XPO5: variants seen among roughly 807,000 people sequenced by gnomAD.
XPO5 encodes exportin-5.
In XPO5, 46 loss-of-function variants were observed where a neutral mutation model predicts 160.6. That is an observed-to-expected ratio of 0.29 (90% confidence interval 0.23 to 0.37). The LOEUF (loss-of-function observed/expected upper bound fraction) is 0.37. XPO5 is among the 10% of genes least tolerant of loss of function. The pLI, the probability that XPO5 is intolerant of heterozygous loss-of-function variation, is 1.00. For synonymous variants in XPO5, 537 were observed against 519.3 expected (o/e 1.03, Z -0.46); for missense variants, 1,090 against 1,463.9 (o/e 0.74, Z 4.17).
intron 10 of XPO5, 58 bp downstream of exon 10, chr6:43,560,866 G>A: frequency 7.5e-7 from 1 of 1,339,216 alleles, no homozygotes; most frequent in South Asian, 1.2e-5. Context: ...TCAGGACACA[G>A]TGCTTGACAT....
At chr6:43,539,051 C>T in intron 20 of XPO5, 2 of 1,541,624 alleles carry the variant, frequency 1.3e-6, no homozygotes, top group Admixed American at 1.7e-5. Context: ...GTCATCGATA[C>T]CAGCCATCAT....
intron 8 of XPO5, among the ~76,000 whole-genome samples, chr6:43,563,272 G>A (rs540652158): frequency 6.6e-6 from 1 of 152,088 alleles, no homozygotes; most frequent in Non-Finnish European, 1.5e-5. Context: ...ACTATAAAGC[G>A]CATGCCACCA....
In XPO5 at chr6:43,524,935, T is replaced by TA; in HGVS notation, c.3207dup (p.Thr1070TyrfsTer51). On this transcript the variant is annotated frameshift_variant, in exon 30 of 32. Coordinates refer to ENST00000265351, the MANE Select transcript of XPO5 (RefSeq NM_020750.3). LOFTEE classifies it high-confidence loss of function. ...TTCAGCACACTGGTGAAAAGCCACG[T>TA]AACTGCATCTGCGAGCAGTGTCCCT... The TA allele has an allele frequency of 6.2e-7, 1 of 1,613,904 alleles. No individual in the cohort carries two copies. Among genetic ancestry groups the TA allele is most frequent in the African/African-American group, 1.3e-5 (1 of 75,064 alleles).
At chr6:43,541,144 A>C (rs889072039) in intron 20 of XPO5, among the ~76,000 whole-genome samples, 7 of 152,124 alleles carry the variant, frequency 4.6e-5, no homozygotes, top group Non-Finnish European at 1.0e-4. Flanking sequence ...GGGATTGTTA[A>C]TGGGTACAAA....
intron 7 of XPO5, 143 bp downstream of exon 7, chr6:43,567,026 A>G (rs1360490216): frequency 2.6e-6 from 2 of 778,324 alleles, no homozygotes; most frequent in Non-Finnish European, 4.0e-6. Context: ...ACTCCTGTCC[A>G]AGGGGGTTGG....
Position 43,567,366 on chromosome 6 carries a change from GA to G in XPO5, c.649-13del. 6.3e-7 allele frequency: 1 copy of G among 1,594,038 alleles called. No individual in the cohort carries two copies. The highest frequency in any genetic ancestry group is 8.5e-7 in the Non-Finnish European group (1 of 1,171,112). ...CAGTTTGCTTGCGCCTACCAGAAAA[GA>G]AGTAACTTTGGACCATGAAGTCCTC... On this transcript the variant is annotated splice_polypyrimidine_tract_variant and intron_variant, in intron 6 of 31. Coordinates refer to ENST00000265351, the MANE Select transcript of XPO5 (RefSeq NM_020750.3).
At chr6:43,575,614 G>A in intron 1 of XPO5, 146 bp downstream of exon 1, 1 of 668,380 alleles carries the variant, frequency 1.5e-6, no homozygotes, top group South Asian at 1.9e-5. Flanking sequence ...GGCGCGGAGG[G>A]CCGCGAGGGG....
chr6:43,534,143 T>A (rs1794169580), intron 20 of XPO5, 136 bp from the exon 21 acceptor site: 1 of 550,928 alleles, frequency 1.8e-6, no homozygotes, highest in Non-Finnish European at 3.2e-6. Flanking sequence ...GAAAAGAAGG[T>A]ATAAATATCT....
Position 43,533,893 on chromosome 6 carries a change from G to T in XPO5, c.2443+14C>A. The T allele has an allele frequency of 1.1e-5, 17 of 1,576,868 alleles. No homozygotes were observed. Among genetic ancestry groups the T allele is most frequent in the Non-Finnish European group, 1.5e-5 (17 of 1,154,096 alleles). ...TAAGATAAACCTTAGGAGAAAAAAGGTTACATTTCTTACCTAATATAGCAG... is the reference window on the plus strand; with the variant it reads ...TAAGATAAACCTTAGGAGAAAAAAGTTTACATTTCTTACCTAATATAGCAG... On this transcript the variant is annotated intron_variant, in intron 21 of 31. Coordinates refer to ENST00000265351, the MANE Select transcript of XPO5 (RefSeq NM_020750.3).
intron 20 of XPO5, among the ~76,000 whole-genome samples, chr6:43,540,760 G>A (rs997367296): frequency 7.9e-5 from 12 of 152,222 alleles, no homozygotes; most frequent in African/African-American, 2.9e-4. Flanking sequence ...TTACAGGCAT[G>A]AGCCAACATG....
rs1160662301 is a variant in XPO5 at position 43,538,139 on chromosome 6, CTTTTTTTTTTTTTTTTTT to C, written c.2343-4150_2343-4133del. On this transcript the variant is annotated intron_variant, in intron 20 of 31. Transcript: ENST00000265351. ...TATAAATTTAGAGCCTAAGAGACAT[CTTTTTTTTTTTTTTTTTT>C]TTTTTTTTTTGAAACAGAGATTTGC... 3.7e-4 allele frequency among the ~76,000 whole-genome samples: 18 copies of C among 48,942 alleles called. 1 individual carries two copies. The highest frequency in any genetic ancestry group is 0.029 in the Middle Eastern group (1 of 34). The allele number at this position is 48,942 out of a possible 152,430, so 32.1% of individuals were successfully genotyped here. A position where few individuals can be genotyped will look rare whatever the true frequency, so the allele number is the denominator to read the frequency against.
intron 8 of XPO5, among the ~76,000 whole-genome samples, chr6:43,564,806 T>C (rs1043916834): frequency 2.6e-5 from 4 of 152,074 alleles, no homozygotes; most frequent in East Asian, 1.9e-4. Context: ...ACTCTTGCCA[T>C]GTTGCTCAGG....
intron 22 of XPO5, 88 bp from the exon 23 acceptor site, chr6:43,530,912 A>G: frequency 6.8e-7 from 1 of 1,470,770 alleles, no homozygotes; most frequent in Non-Finnish European, 9.0e-7. Context: ...TTTCTAGCCT[A>G]CAATAAGGTT....
At chr6:43,549,679 G>T in intron 16 of XPO5, 101 bp from the exon 17 acceptor site, 1 of 1,377,816 alleles carries the variant, frequency 7.3e-7, no homozygotes, top group Non-Finnish European at 1.0e-6. Context: ...AATTCACAAT[G>T]ATTTTTCACA....
At chr6:43,547,017 C>CCA (rs925917729) in intron 19 of XPO5, among the ~76,000 whole-genome samples, 1 of 152,112 alleles carries the variant, frequency 6.6e-6, no homozygotes, top group Non-Finnish European at 1.5e-5. Flanking sequence ...AGTGACCCAC[C>CCA]CACAGGACCC....
intron 6 of XPO5, 63 bp downstream of exon 6, chr6:43,568,648 G>C: frequency 7.2e-7 from 1 of 1,395,148 alleles, no homozygotes; most frequent in Non-Finnish European, 9.7e-7. Flanking sequence ...ATCCACTAGG[G>C]GCACGTATCC....
At chr6:43,569,957 C>A (rs1762907685) in intron 5 of XPO5, among the ~76,000 whole-genome samples, 1 of 145,740 alleles carries the variant, frequency 6.9e-6, no homozygotes, top group African/African-American at 2.7e-5. Context: ...GTGGCACATG[C>A]CTGTAATCCC....
intron 20 of XPO5, 120 bp downstream of exon 20, chr6:43,546,449 TAA>T (rs1794968338): frequency 1.1e-6 from 1 of 947,526 alleles, no homozygotes; most frequent in South Asian, 3.1e-5. Context: ...TAGAAAGAAA[TAA>T]GACTTAAATC....
chr6:43,575,936 G>C lies in XPO5; in HGVS notation c.-72C>G. 1.4e-6 allele frequency: 2 copies of C among 1,480,482 alleles called. No homozygotes were observed. Among genetic ancestry groups the C allele is most frequent in the Non-Finnish European group, 9.3e-7 (1 of 1,076,122 alleles). 91.7% of individuals were successfully genotyped at this position (1,480,482 alleles called of 1,614,324 possible). ...CACGAGGCACGACAGCTCCCTCGGCGAGACCACCCGTTGGTACCGGGCCGC... is the reference window on the plus strand; with the variant it reads ...CACGAGGCACGACAGCTCCCTCGGCCAGACCACCCGTTGGTACCGGGCCGC... On this transcript the variant is annotated 5_prime_UTR_variant, in exon 1 of 32. Coordinates refer to ENST00000265351, the MANE Select transcript of XPO5 (RefSeq NM_020750.3).
Sources: allele counts gnomAD v4.1 joint callset (sites outside exome capture counted in the v4.1 genomes callset), GRCh38; gene constraint gnomAD v4.1.1; transcripts MANE v1.5; gene names NCBI Gene and HGNC (gene_info 2026-07-23, HGNC 2026-07-21).